Variants in KCNMA1 observed in about 807,000 individuals in gnomAD.
KCNMA1 encodes the protein Calcium-activated potassium channel subunit alpha-1.
Under a neutral mutation model 140.0 loss-of-function variants are expected in KCNMA1, and 29 were observed. That is an observed-to-expected ratio of 0.21 (90% CI 0.15 to 0.28). The LOEUF (loss-of-function observed/expected upper bound fraction) is 0.28, where lower values mean the gene tolerates loss of function less well. Ranked by LOEUF, KCNMA1 falls within the 10% of genes least tolerant of loss-of-function variation. The probability of loss-of-function intolerance (pLI) is 1.00; values close to 1 mark genes in which losing one functional copy is unlikely to be tolerated. For synonymous variants in KCNMA1, 612 were observed against 611.9 expected (o/e 1.00, Z 0.00); for missense variants, 880 against 1,602.2 (o/e 0.55, Z 7.70).
At chr10:77,342,665 C>A (rs2091223503) in intron 2 of KCNMA1, among the ~76,000 whole-genome samples, 1 of 152,194 alleles carries the variant, frequency 6.6e-6, no homozygotes, top group Non-Finnish European at 1.5e-5. Context: ...GTGCTATTAT[C>A]AGAAGCCATG....
At chr10:77,294,316 G>A (rs2074283985) in intron 2 of KCNMA1, among the ~76,000 whole-genome samples, 1 of 152,180 alleles carries the variant, frequency 6.6e-6, no homozygotes, top group Admixed American at 6.5e-5. Context: ...TTCCTGGAGG[G>A]TGGACCTTGT....
At chr10:77,191,544 G>A (rs1384358953) in intron 3 of KCNMA1, among the ~76,000 whole-genome samples, 2 of 151,978 alleles carry the variant, frequency 1.3e-5, no homozygotes, top group East Asian at 1.9e-4. Flanking sequence ...CACTGGACGG[G>A]GCATGTGTGT....
At chr10:77,006,276 A>C (rs1488500924) in intron 18 of KCNMA1, among the ~76,000 whole-genome samples, 1 of 152,170 alleles carries the variant, frequency 6.6e-6, no homozygotes, top group Non-Finnish European at 1.5e-5. Flanking sequence ...AATTCAAGGG[A>C]AGACTGGGAT....
chr10:77,550,614 T>C (rs963147182), intron 1 of KCNMA1, among the ~76,000 whole-genome samples: 1 of 152,152 alleles, frequency 6.6e-6, no homozygotes, highest in African/African-American at 2.4e-5. Context: ...CTCGGCAGAC[T>C]CAGGCATGCC....
chr10:77,324,637 A>G (rs2083347566), intron 2 of KCNMA1, among the ~76,000 whole-genome samples: 1 of 152,168 alleles, frequency 6.6e-6, no homozygotes, highest in Admixed American at 6.5e-5. Context: ...TCAAACTCCC[A>G]TAATTCTCCA....
chr10:77,071,484 C>T (rs986841972), intron 14 of KCNMA1: 5 of 152,176 alleles, frequency 3.3e-5, no homozygotes, highest in African/African-American at 1.2e-4. Context: ...AGTCCTTTAT[C>T]CTGAGTCTGG....
intron 18 of KCNMA1, among the ~76,000 whole-genome samples, chr10:77,002,670 A>C (rs2153416772): frequency 6.6e-6 from 1 of 152,350 alleles, no homozygotes; most frequent in South Asian, 2.1e-4. Context: ...GTTGGAAGTC[A>C]GCATCGTAGT....
intron 23 of KCNMA1, among the ~76,000 whole-genome samples, chr10:76,940,061 T>C (rs1322632598): frequency 6.6e-6 from 1 of 152,252 alleles, no homozygotes; most frequent in African/African-American, 2.4e-5. Context: ...TGATGTTTGC[T>C]GACCAGCAAG....
intron 19 of KCNMA1, among the ~76,000 whole-genome samples, chr10:76,986,586 T>C (rs2081322250): frequency 6.6e-6 from 1 of 152,156 alleles, no homozygotes; most frequent in Non-Finnish European, 1.5e-5. Context: ...GCTGTCAAGA[T>C]TCGAGTTGGG....
At chr10:77,236,674 A>C (rs2154216763) in intron 3 of KCNMA1, among the ~76,000 whole-genome samples, 1 of 152,394 alleles carries the variant, frequency 6.6e-6, no homozygotes, top group Non-Finnish European at 1.5e-5. Flanking sequence ...TACAGTATAC[A>C]TACGTTTATA....
At chr10:77,046,465 T>C (rs1053903541) in intron 14 of KCNMA1, among the ~76,000 whole-genome samples, 11 of 152,174 alleles carry the variant, frequency 7.2e-5, no homozygotes, top group African/African-American at 2.7e-4. Flanking sequence ...GGCTCTAAGT[T>C]GATGAATGTT....
chr10:77,462,675 G>A (rs1206246987), intron 1 of KCNMA1, among the ~76,000 whole-genome samples: 3 of 152,178 alleles, frequency 2.0e-5, no homozygotes, highest in Non-Finnish European at 4.4e-5. Context: ...CTGTGCCCTG[G>A]GCTCTCCCCC....
chr10:77,295,730 G>A (rs1194660033), intron 2 of KCNMA1, among the ~76,000 whole-genome samples: 3 of 132,292 alleles, frequency 2.3e-5, no homozygotes, highest in East Asian at 2.6e-4. Context: ...GCAGTGAGCC[G>A]AGATTGCGCC....
At chr10:76,946,487 T>C (rs1418284236) in intron 22 of KCNMA1, among the ~76,000 whole-genome samples, 3 of 152,232 alleles carry the variant, frequency 2.0e-5, no homozygotes, top group Non-Finnish European at 4.4e-5. Flanking sequence ...CTATCTACCC[T>C]CTTTTATGAG....
chr10:77,026,180 C>A (rs998167403), intron 16 of KCNMA1, among the ~76,000 whole-genome samples: 1 of 152,056 alleles, frequency 6.6e-6, no homozygotes, highest in Non-Finnish European at 1.5e-5. Context: ...AACAGCCTTT[C>A]GCTCTTTTTC....
chr10:77,391,972 C>T (rs2154444307), intron 2 of KCNMA1, among the ~76,000 whole-genome samples: 1 of 151,434 alleles, frequency 6.6e-6, no homozygotes, highest in Admixed American at 6.6e-5. Flanking sequence ...GCCATCAGCA[C>T]CCTCTGAAGG....
At chr10:77,368,216 T>C (rs987124603) in intron 2 of KCNMA1, among the ~76,000 whole-genome samples, 1 of 152,246 alleles carries the variant, frequency 6.6e-6, no homozygotes, top group African/African-American at 2.4e-5. Flanking sequence ...GTATTGTTGG[T>C]ATTTTTATTT....
At chr10:77,329,620 A>ACCT (rs2085560996) in intron 2 of KCNMA1, among the ~76,000 whole-genome samples, 1 of 152,134 alleles carries the variant, frequency 6.6e-6, no homozygotes, top group South Asian at 2.1e-4. Context: ...GAACTAAAAC[A>ACCT]CCTCCCCTCT....
At chr10:77,543,496 T>C (rs2060672646) in intron 1 of KCNMA1, among the ~76,000 whole-genome samples, 1 of 152,194 alleles carries the variant, frequency 6.6e-6, no homozygotes, top group African/African-American at 2.4e-5. Flanking sequence ...AATAGCATAT[T>C]GTGCTATTAT....
Sources: gnomAD v4.1 joint callset for allele counts (sites outside exome capture counted in the v4.1 genomes callset) on GRCh38, gnomAD v4.1.1 for gene constraint, MANE v1.5 for transcripts, NCBI Gene and HGNC (gene_info 2026-07-23, HGNC 2026-07-21) for gene names.